The following TENT5D variants were observed in gnomAD, a reference collection of about 807,000 sequenced individuals.
TENT5D encodes the protein terminal nucleotidyltransferase 5D.
For synonymous variants in TENT5D, 103 were observed against 100.6 expected (o/e 1.02, Z -0.15); for missense variants, 191 against 287.0 (o/e 0.67, Z 2.42).
chrX:80,378,857 A>G (rs1225045716), intron 3 of TENT5D, among the ~76,000 whole-genome samples: 2 of 109,499 alleles, frequency 1.8e-5, no homozygotes, highest in Non-Finnish European at 3.8e-5. Flanking sequence ...ATTACCCTTT[A>G]TTTCTTTCTC....
chrX:80,340,426 A>G (rs564380214), intron 2 of TENT5D, among the ~76,000 whole-genome samples: 4 of 110,520 alleles, frequency 3.6e-5, no homozygotes, highest in South Asian at 7.6e-4. Context: ...CTTTCTTACT[A>G]CTCTTCATTC....
chrX:80,370,985 G>A (rs1407346318), intron 3 of TENT5D, among the ~76,000 whole-genome samples: 1 of 112,258 alleles, frequency 8.9e-6, no homozygotes, highest in Non-Finnish European at 1.9e-5. Context: ...ACTTGCTCAT[G>A]TAAAATTTCA....
At chrX:80,364,572 G>T in intron 3 of TENT5D, among the ~76,000 whole-genome samples, 1 of 110,733 alleles carries the variant, frequency 9.0e-6, no homozygotes, top group Middle Eastern at 4.7e-3. Flanking sequence ...AGGTAAGATT[G>T]CATAGGGTTA....
intron 2 of TENT5D, among the ~76,000 whole-genome samples, chrX:80,341,688 G>A (rs1226943583): frequency 1.8e-5 from 2 of 108,847 alleles, no homozygotes; most frequent in African/African-American, 3.3e-5. Flanking sequence ...TGTAGCTGAG[G>A]TATACTGAAA....
chrX:80,373,043 ACTGTTATAC>A (rs1393233264), intron 3 of TENT5D, among the ~76,000 whole-genome samples: 7 of 110,336 alleles, frequency 6.3e-5, no homozygotes, highest in African/African-American at 2.3e-4. Context: ...TCTGCTCTTA[ACTGTTATAC>A]CTACACGACT....
intron 3 of TENT5D, among the ~76,000 whole-genome samples, chrX:80,380,358 T>C (rs1930834907): frequency 1.8e-5 from 2 of 111,234 alleles, no homozygotes; most frequent in African/African-American, 6.5e-5. Context: ...TTACATTTCC[T>C]GAGGAGTGCT....
At chrX:80,366,288 A>C (rs1193569062) in intron 3 of TENT5D, among the ~76,000 whole-genome samples, 2 of 110,011 alleles carry the variant, frequency 1.8e-5, no homozygotes, top group African/African-American at 6.6e-5. Flanking sequence ...TTAATTATAC[A>C]AATTATTTAA....
chrX:80,350,344 A>G (rs1392492930), intron 3 of TENT5D, among the ~76,000 whole-genome samples: 1 of 111,544 alleles, frequency 9.0e-6, no homozygotes, highest in Non-Finnish European at 1.9e-5. Flanking sequence ...TTTTGGGTGC[A>G]TATTTATTTA....
At chrX:80,351,359 T>C (rs1470805270) in intron 3 of TENT5D, among the ~76,000 whole-genome samples, 1 of 108,870 alleles carries the variant, frequency 9.2e-6, no homozygotes, top group African/African-American at 3.3e-5. Flanking sequence ...ATGTTTTTTT[T>C]TTCTCAAATC....
intron 3 of TENT5D, among the ~76,000 whole-genome samples, chrX:80,395,001 C>T (rs766159489): frequency 5.4e-5 from 6 of 111,630 alleles, no homozygotes; most frequent in East Asian, 5.7e-4. Flanking sequence ...ACCTGTTGAC[C>T]GATCTCTCCC....
chrX:80,408,052 A>T (rs1373591892), intron 3 of TENT5D, among the ~76,000 whole-genome samples: 2 of 109,696 alleles, frequency 1.8e-5, no homozygotes, highest in African/African-American at 6.7e-5. Context: ...TTTGAAACCA[A>T]CGAGAACAAA....
intron 3 of TENT5D, among the ~76,000 whole-genome samples, chrX:80,373,050 T>C (rs1307938244): frequency 9.0e-6 from 1 of 111,036 alleles, no homozygotes; most frequent in Non-Finnish European, 1.9e-5. Context: ...TTAACTGTTA[T>C]ACCTACACGA....
At chrX:80,405,360 G>T (rs1370112362) in intron 3 of TENT5D, among the ~76,000 whole-genome samples, 3 of 110,386 alleles carry the variant, frequency 2.7e-5, no homozygotes, top group Non-Finnish European at 5.7e-5. Context: ...ATCTCACTAG[G>T]GAGTGCCAGA....
intron 2 of TENT5D, among the ~76,000 whole-genome samples, chrX:80,336,623 C>T (rs1160165416): frequency 2.7e-5 from 3 of 109,226 alleles, no homozygotes; most frequent in Admixed American, 1.0e-4. Flanking sequence ...AAAAGATTTT[C>T]CCTGGACTCT....
At chrX:80,385,740 A>G (rs1930982156) in intron 3 of TENT5D, among the ~76,000 whole-genome samples, 2 of 111,886 alleles carry the variant, frequency 1.8e-5, no homozygotes, top group Admixed American at 1.9e-4. Flanking sequence ...AAAACAAACA[A>G]CCCCATCAAC....
At chrX:80,349,539 CT>C (rs1331501548) in intron 3 of TENT5D, among the ~76,000 whole-genome samples, 2 of 109,028 alleles carry the variant, frequency 1.8e-5, no homozygotes, top group African/African-American at 6.7e-5. Flanking sequence ...CTGTTTGATT[CT>C]TCTCTCTTTT....
intron 2 of TENT5D, among the ~76,000 whole-genome samples, chrX:80,442,055 T>TCC (rs1932293986): frequency 2.7e-5 from 3 of 111,159 alleles, no homozygotes; most frequent in Admixed American, 9.7e-5. Flanking sequence ...GCTTTTGGGA[T>TCC]TAAAGATTAT....
intron 3 of TENT5D, among the ~76,000 whole-genome samples, chrX:80,392,812 G>A (rs150142833): frequency 0.013 from 1,458 of 110,340 alleles, 27 homozygotes; most frequent in African/African-American, 0.045. Context: ...CACCGCGCCC[G>A]GCCATTCTCA....
At chrX:80,377,238 A>G (rs189942718) in intron 3 of TENT5D, among the ~76,000 whole-genome samples, 21 of 111,616 alleles carry the variant, frequency 1.9e-4, no homozygotes, top group Non-Finnish European at 3.2e-4. Flanking sequence ...GCAAAACAGT[A>G]CTTTTTGAAA....
Sources: gnomAD v4.1 joint callset for allele counts (sites outside exome capture counted in the v4.1 genomes callset) on GRCh38, gnomAD v4.1.1 for gene constraint, MANE v1.5 for transcripts, NCBI Gene and HGNC (gene_info 2026-07-23, HGNC 2026-07-21) for gene names.